Variants in TNKS2 observed in about 807,000 individuals in gnomAD.
The protein encoded by TNKS2 is poly [ADP-ribose] polymerase tankyrase-2.
In TNKS2, 72 loss-of-function variants were observed where a neutral mutation model predicts 137.6. That is an observed-to-expected ratio of 0.52 (90% confidence interval 0.43 to 0.64). TNKS2 has a LOEUF of 0.64. Ranked by LOEUF, TNKS2 falls within the 30% of genes least tolerant of loss-of-function variation. The probability of loss-of-function intolerance (pLI) is 0.00; values close to 1 mark genes in which losing one functional copy is unlikely to be tolerated. For synonymous variants in TNKS2, 516 were observed against 512.1 expected (o/e 1.01, Z -0.10); for missense variants, 1,049 against 1,410.2 (o/e 0.74, Z 4.10).
At chr10:91,841,721 A>C (rs1842214415) in intron 15 of TNKS2, among the ~76,000 whole-genome samples, 3 of 152,100 alleles carry the variant, frequency 2.0e-5, no homozygotes, top group Non-Finnish European at 4.4e-5. Context: ...TTTTATATTC[A>C]TCAAATATAA....
chr10:91,816,581 A>G (rs1475027113), intron 2 of TNKS2, among the ~76,000 whole-genome samples: 1 of 152,226 alleles, frequency 6.6e-6, no homozygotes, highest in Non-Finnish European at 1.5e-5. Flanking sequence ...GCTTTCCTGA[A>G]GAATAGAAAG....
intron 6 of TNKS2, 97 bp downstream of exon 6, chr10:91,820,130 CATT>C: frequency 1.3e-6 from 1 of 771,836 alleles, no homozygotes; most frequent in Non-Finnish European, 1.9e-6. Context: ...TACTAAATAA[CATT>C]AATATATATT....
At chr10:91,832,110 C>G (rs1564617185) in intron 11 of TNKS2, among the ~76,000 whole-genome samples, 1 of 152,054 alleles carries the variant, frequency 6.6e-6, no homozygotes, top group Non-Finnish European at 1.5e-5. Flanking sequence ...CTTAATTTCT[C>G]TTTGATTTGG....
At chr10:91,837,117 A>G (rs113655425) in intron 13 of TNKS2, 119 bp downstream of exon 13, 22 of 886,068 alleles carry the variant, frequency 2.5e-5, no homozygotes, top group African/African-American at 1.4e-4. Context: ...TTAAAAGGTC[A>G]ATAATACAAT....
At position 91,865,469 on chromosome 10, in the gene TNKS2, G is replaced by A. The variant is rs143163793; in HGVS notation, c.*2470G>A. On this transcript the variant is annotated 3_prime_UTR_variant, in exon 27 of 27. Transcript: ENST00000371627. Reference sequence around the variant, plus strand: ...GTACTTGCTCATTAAAATGAAAGTAGCTGTGAGATGCTTTCAACATTTAGT... The same window carrying A: ...GTACTTGCTCATTAAAATGAAAGTAACTGTGAGATGCTTTCAACATTTAGT... Among the ~76,000 whole-genome samples the A allele has an allele frequency of 3.9e-3, 590 of 152,276 alleles. 6 individuals are homozygous for A. Among genetic ancestry groups the A allele is most frequent in the African/African-American group, 0.014 (563 of 41,560 alleles).
At chr10:91,839,634 G>T (rs1842148386) in intron 13 of TNKS2, among the ~76,000 whole-genome samples, 1 of 152,134 alleles carries the variant, frequency 6.6e-6, no homozygotes, top group South Asian at 2.1e-4. Flanking sequence ...CACATGGAGT[G>T]GTATGGTTAC....
At chr10:91,860,022 ATTAT>A (rs1361863207) in intron 25 of TNKS2, among the ~76,000 whole-genome samples, 1 of 152,132 alleles carries the variant, frequency 6.6e-6, no homozygotes, top group Non-Finnish European at 1.5e-5. Flanking sequence ...GTCAAATCTA[ATTAT>A]TTGATGGCAG....
intron 1 of TNKS2, among the ~76,000 whole-genome samples, chr10:91,806,261 C>A (rs1254732567): frequency 6.6e-6 from 1 of 152,002 alleles, no homozygotes; most frequent in East Asian, 1.9e-4. Flanking sequence ...ATATAATTAT[C>A]AAATATCGTA....
intron 1 of TNKS2, among the ~76,000 whole-genome samples, chr10:91,806,910 C>A (rs1844340785): frequency 6.6e-6 from 1 of 152,128 alleles, no homozygotes; most frequent in Non-Finnish European, 1.5e-5. Context: ...GAAACAATTA[C>A]ATGTTTTACC....
chr10:91,825,007 T>A (rs1260341387), intron 7 of TNKS2, among the ~76,000 whole-genome samples: 4 of 152,202 alleles, frequency 2.6e-5, no homozygotes, highest in Non-Finnish European at 4.4e-5. Context: ...AGCAATATAA[T>A]CATGGATGCA....
intron 1 of TNKS2, among the ~76,000 whole-genome samples, chr10:91,812,211 G>A (rs1181959601): frequency 6.6e-6 from 1 of 152,116 alleles, no homozygotes; most frequent in Admixed American, 6.5e-5. Flanking sequence ...AAGGTTTTAA[G>A]TACTAATATA....
Position 91,798,671 on chromosome 10 carries a change from C to T in TNKS2, c.-20C>T. 8.2e-7 allele frequency: 1 copy of T among 1,223,156 alleles called. No homozygotes were observed. The highest frequency in any genetic ancestry group is 1.0e-6 in the Non-Finnish European group (1 of 980,300). 75.8% of individuals were successfully genotyped at this position (1,223,156 alleles called of 1,614,324 possible). A position where few individuals can be genotyped will look rare whatever the true frequency, so the allele number is the denominator to read the frequency against. On this transcript the variant is annotated 5_prime_UTR_variant, in exon 1 of 27. Transcript: ENST00000371627. ...CTCCGGTTGCTGGCGCTGTTGCTGG[C>T]TGTGGCGGCGGCCAGGATCATGTCG...
chr10:91,828,490 AT>A (rs3832677), intron 9 of TNKS2, 84 bp downstream of exon 9: 214,361 of 1,277,934 alleles, frequency 0.17, 19,025 homozygotes, highest in Middle Eastern at 0.23. Context: ...TAGAACTAGC[AT>A]TTTTTTGAGT....
chr10:91,825,354 C>G (rs1347047262), intron 7 of TNKS2, among the ~76,000 whole-genome samples: 2 of 152,168 alleles, frequency 1.3e-5, no homozygotes, highest in African/African-American at 4.8e-5. Context: ...CCACCCACCT[C>G]AGCCTCCCAA....
intron 13 of TNKS2, 63 bp from the exon 14 acceptor site, chr10:91,840,498 A>G: frequency 6.9e-7 from 1 of 1,459,246 alleles, no homozygotes; most frequent in Non-Finnish European, 9.4e-7. Context: ...CTACTAAATG[A>G]CTTGAAACAA....
intron 1 of TNKS2, 40 bp from the exon 2 acceptor site, chr10:91,812,943 C>G (rs753562976): frequency 7.5e-6 from 12 of 1,603,024 alleles, no homozygotes; most frequent in Non-Finnish European, 1.0e-5. Flanking sequence ...GATATCTTTT[C>G]CTTGTTGAAC....
At chr10:91,821,980 C>T (rs769931724) in intron 6 of TNKS2, among the ~76,000 whole-genome samples, 3 of 152,146 alleles carry the variant, frequency 2.0e-5, no homozygotes, top group African/African-American at 7.2e-5. Flanking sequence ...TTAGAAAAAT[C>T]TGCCTCAGCT....
At chr10:91,825,261 A>G (rs572066675) in intron 7 of TNKS2, among the ~76,000 whole-genome samples, 1 of 151,914 alleles carries the variant, frequency 6.6e-6, no homozygotes, top group African/African-American at 2.4e-5. Flanking sequence ...GTGCCACCAC[A>G]CATGTTAATC....
intron 13 of TNKS2, among the ~76,000 whole-genome samples, chr10:91,838,483 G>A (rs1842103496): frequency 6.6e-6 from 1 of 152,158 alleles, no homozygotes; most frequent in African/African-American, 2.4e-5. Flanking sequence ...AATCCACCAG[G>A]CTGGATACTT....
Sources: allele counts gnomAD v4.1 joint callset (sites outside exome capture counted in the v4.1 genomes callset), GRCh38; gene constraint gnomAD v4.1.1; transcripts MANE v1.5; gene names NCBI Gene and HGNC (gene_info 2026-07-23, HGNC 2026-07-21).